The following BCKDHB variants were observed in gnomAD, a reference collection of about 807,000 sequenced individuals.
BCKDHB encodes branched chain keto acid dehydrogenase E1 subunit beta.
Under a neutral mutation model 48.5 loss-of-function variants are expected in BCKDHB, and 41 were observed. The ratio of observed to expected loss-of-function variants is 0.85; its 90% CI spans 0.66 to 1.10. The LOEUF (loss-of-function observed/expected upper bound fraction) is 1.10, where lower values mean the gene tolerates loss of function less well. Ranked by LOEUF, BCKDHB falls within the 50% of genes least tolerant of loss-of-function variation. The pLI is 0.00. For synonymous variants in BCKDHB, 201 were observed against 174.8 expected (o/e 1.15, Z -1.18); for missense variants, 496 against 494.2 (o/e 1.00, Z -0.03).
At chr6:80,292,868 A>C (rs1432067736) in intron 9 of BCKDHB, among the ~76,000 whole-genome samples, 1 of 152,234 alleles carries the variant, frequency 6.6e-6, no homozygotes, top group African/African-American at 2.4e-5. Flanking sequence ...TACAATGCCC[A>C]TACAAGACTG....
intron 8 of BCKDHB, among the ~76,000 whole-genome samples, chr6:80,260,990 T>A (rs1044221784): frequency 6.6e-6 from 1 of 152,110 alleles, no homozygotes; most frequent in Non-Finnish European, 1.5e-5. Context: ...TCAAAAAGAA[T>A]AAAAAGGAAA....
chr6:80,424,783 G>A, the BCKDHB span, among the ~76,000 whole-genome samples: 3 of 152,136 alleles, frequency 2.0e-5, no homozygotes, highest in Non-Finnish European at 4.4e-5. Context: ...GAATTTTTTA[G>A]CAAAGGGTAT....
At chr6:80,134,753 T>A (rs1770801349) in intron 3 of BCKDHB, among the ~76,000 whole-genome samples, 1 of 151,900 alleles carries the variant, frequency 6.6e-6, no homozygotes, top group Non-Finnish European at 1.5e-5. Flanking sequence ...TTTTATTTAT[T>A]TATTTATTTA....
intron 9 of BCKDHB, among the ~76,000 whole-genome samples, chr6:80,297,478 A>G (rs931414259): frequency 6.6e-6 from 1 of 152,186 alleles, no homozygotes; most frequent in African/African-American, 2.4e-5. Context: ...GTACAAATAC[A>G]TAGAGAGACA....
intron 8 of BCKDHB, among the ~76,000 whole-genome samples, chr6:80,216,116 G>A (rs916092581): frequency 4.6e-5 from 7 of 152,148 alleles, no homozygotes; most frequent in Admixed American, 2.6e-4. Flanking sequence ...TGTTATGCAT[G>A]TTTCCTTTTG....
chr6:80,285,177 G>GT (rs1191504850), intron 9 of BCKDHB, among the ~76,000 whole-genome samples: 1 of 152,060 alleles, frequency 6.6e-6, no homozygotes, highest in Non-Finnish European at 1.5e-5. Flanking sequence ...CTACCTAAGT[G>GT]TACATAGCTG....
the BCKDHB span, among the ~76,000 whole-genome samples, chr6:80,440,391 A>G: frequency 6.6e-6 from 1 of 152,218 alleles, no homozygotes; most frequent in African/African-American, 2.4e-5. Context: ...AATGTCACAT[A>G]AAAAGAATCA....
chr6:80,117,917 A>G lies in BCKDHB; in HGVS notation c.197-9630A>G, dbSNP rs915642720. On this transcript the variant is annotated intron_variant, in intron 1 of 9. Transcript: ENST00000320393. Reference sequence around the variant, plus strand: ...GTGTGTGTGTGTCTTTAATTCCTCTAACACCGCTGGGTTAGTGTCTCCCCA... The same window carrying G: ...GTGTGTGTGTGTCTTTAATTCCTCTGACACCGCTGGGTTAGTGTCTCCCCA... 2.6e-5 allele frequency among the ~76,000 whole-genome samples: 4 copies of G among 152,094 alleles called. No individual in the cohort carries two copies. The South Asian group carries it at 6.2e-4, about 24-fold the overall frequency.
chr6:80,418,140 T>C, the BCKDHB span, among the ~76,000 whole-genome samples: 1 of 152,244 alleles, frequency 6.6e-6, no homozygotes, highest in Admixed American at 6.5e-5. Flanking sequence ...ATATTTGTGA[T>C]TGCATTATGA....
At chr6:80,113,850 C>A (rs887522429) in intron 1 of BCKDHB, among the ~76,000 whole-genome samples, 1 of 152,174 alleles carries the variant, frequency 6.6e-6, no homozygotes, top group Non-Finnish European at 1.5e-5. Flanking sequence ...CTTTCCGCAA[C>A]CAATCAGAAG....
At chr6:80,373,056 C>T in the BCKDHB span, among the ~76,000 whole-genome samples, 1 of 152,054 alleles carries the variant, frequency 6.6e-6, no homozygotes, top group East Asian at 1.9e-4. Flanking sequence ...TGATAAAATT[C>T]ATCTGTGAAT....
chr6:80,354,215 C>CTTTA, the BCKDHB span, among the ~76,000 whole-genome samples: 80 of 146,794 alleles, frequency 5.4e-4, no homozygotes, highest in African/African-American at 1.6e-3. Flanking sequence ...ACCCATTTGT[C>CTTTA]TTTATTTATT....
At chr6:80,187,721 A>C (rs1280056655) in intron 6 of BCKDHB, among the ~76,000 whole-genome samples, 1 of 152,216 alleles carries the variant, frequency 6.6e-6, no homozygotes, top group Non-Finnish European at 1.5e-5. Context: ...CAAGCATACG[A>C]GAAAATGCTC....
At chr6:80,458,654 T>A in the BCKDHB span, among the ~76,000 whole-genome samples, 1 of 152,200 alleles carries the variant, frequency 6.6e-6, no homozygotes, top group Non-Finnish European at 1.5e-5. Context: ...TTAAATGAGA[T>A]AATTAATGTC....
chr6:80,240,163 G>A lies in BCKDHB; in HGVS notation c.952-32972G>A, dbSNP rs1054202244. Among the ~76,000 whole-genome samples the A allele has an allele frequency of 7.2e-5, 11 of 152,060 alleles. No homozygotes were observed. In the East Asian group the frequency reaches 9.6e-4, roughly 13 times the overall value. ...AAGAAAGTCATTGTCAGCTTGATGG[G>A]GATGGCATTGAATCATGAAGAAAGT... On this transcript the variant is annotated intron_variant, in intron 8 of 9. Transcript: ENST00000320393.
intron 3 of BCKDHB, among the ~76,000 whole-genome samples, chr6:80,143,359 C>T (rs1474457563): frequency 1.3e-5 from 2 of 152,112 alleles, no homozygotes; most frequent in Non-Finnish European, 2.9e-5. Flanking sequence ...CTTGGAAATC[C>T]ACTGTTATCA....
intron 8 of BCKDHB, among the ~76,000 whole-genome samples, chr6:80,267,557 C>T (rs1284360679): frequency 1.3e-5 from 2 of 152,038 alleles, no homozygotes; most frequent in African/African-American, 2.4e-5. Flanking sequence ...AACCATCAAT[C>T]ACATTCAGAG....
chr6:80,328,284 A>T (rs1769143089), intron 9 of BCKDHB, among the ~76,000 whole-genome samples: 3 of 152,094 alleles, frequency 2.0e-5, no homozygotes, highest in Admixed American at 6.5e-5. Flanking sequence ...TAGCTACTGG[A>T]GTTTGATTTT....
At chr6:80,371,245 G>A in the BCKDHB span, among the ~76,000 whole-genome samples, 2 of 152,054 alleles carry the variant, frequency 1.3e-5, no homozygotes, top group Non-Finnish European at 2.9e-5. Flanking sequence ...CATTAGTGAG[G>A]TTGAGCATTT....
Sources: allele counts gnomAD v4.1 joint callset (sites outside exome capture counted in the v4.1 genomes callset), GRCh38; gene constraint gnomAD v4.1.1; transcripts MANE v1.5; gene names NCBI Gene and HGNC (gene_info 2026-07-23, HGNC 2026-07-21).